PLA2G4A: variants seen among roughly 807,000 people sequenced by gnomAD.
PLA2G4A encodes phospholipase A2 group IVA.
A neutral mutation model predicts 81.9 loss-of-function variants in PLA2G4A; 40 were observed. The ratio of observed to expected loss-of-function variants is 0.49; its 90% CI spans 0.38 to 0.64. The LOEUF (loss-of-function observed/expected upper bound fraction) is 0.64. Ranked by LOEUF, PLA2G4A falls within the 30% of genes least tolerant of loss-of-function variation. PLA2G4A has a pLI of 0.00. For missense variants in PLA2G4A, 715 were observed against 905.1 expected (o/e 0.79, Z 2.69); for synonymous variants, 302 against 296.9 (o/e 1.02, Z -0.18).
intron 4 of PLA2G4A, 55 bp downstream of exon 4, chr1:186,893,214 G>T: frequency 6.8e-7 from 1 of 1,469,138 alleles, no homozygotes; most frequent in Non-Finnish European, 9.5e-7. Context: ...TGAGAGACAT[G>T]CTTGAGTTTG....
At chr1:186,935,752 G>A (rs902270475) in intron 8 of PLA2G4A, among the ~76,000 whole-genome samples, 5 of 151,832 alleles carry the variant, frequency 3.3e-5, no homozygotes, top group Admixed American at 1.3e-4. Context: ...AACACATTAC[G>A]CTTCTATGTT....
chr1:186,839,796 G>T (rs1374790324), intron 1 of PLA2G4A, among the ~76,000 whole-genome samples: 1 of 151,962 alleles, frequency 6.6e-6, no homozygotes, highest in Non-Finnish European at 1.5e-5. Flanking sequence ...TTATAGTGAT[G>T]TAATTTCCTC....
chr1:186,870,638 T>C (rs993111857), intron 3 of PLA2G4A, 122 bp downstream of exon 3: 1 of 1,238,530 alleles, frequency 8.1e-7, no homozygotes, highest in African/African-American at 1.5e-5. Flanking sequence ...TGTCTAGATC[T>C]TTGAATGATA....
At chr1:186,856,584 G>A (rs114333818) in intron 2 of PLA2G4A, among the ~76,000 whole-genome samples, 15,623 of 151,752 alleles carry the variant, frequency 0.1, 1,027 homozygotes, top group Middle Eastern at 0.21. Flanking sequence ...TAGAGACGGA[G>A]TTTTGCCATG....
chr1:186,978,484 T>G (rs1307156173), intron 16 of PLA2G4A, among the ~76,000 whole-genome samples: 1 of 152,056 alleles, frequency 6.6e-6, no homozygotes, highest in African/African-American at 2.4e-5. Flanking sequence ...AGAAAAATGG[T>G]GTTTTTCTAG....
intron 1 of PLA2G4A, among the ~76,000 whole-genome samples, chr1:186,829,609 C>T (rs1423137871): frequency 6.6e-6 from 1 of 151,800 alleles, no homozygotes; most frequent in Non-Finnish European, 1.5e-5. Context: ...CACCCTTCCC[C>T]TAAGTTACTT....
At chr1:186,971,331 C>T (rs1291836661) in intron 15 of PLA2G4A, among the ~76,000 whole-genome samples, 1 of 151,914 alleles carries the variant, frequency 6.6e-6, no homozygotes, top group Non-Finnish European at 1.5e-5. Context: ...AAAAGCATGT[C>T]TCCAATCACT....
chr1:186,956,442 A>C, intron 14 of PLA2G4A, 98 bp downstream of exon 14: 1 of 1,076,132 alleles, frequency 9.3e-7, no homozygotes, highest in Non-Finnish European at 1.4e-6. Flanking sequence ...TTACTCATTT[A>C]TTATCAGTTA....
intron 6 of PLA2G4A, among the ~76,000 whole-genome samples, chr1:186,910,601 C>G (rs2102153215): frequency 6.6e-6 from 1 of 152,148 alleles, no homozygotes; most frequent in East Asian, 1.9e-4. Flanking sequence ...ATACGTAATA[C>G]CTAATGTGAC....
chr1:186,982,017 T>A (rs1471740117), intron 17 of PLA2G4A, among the ~76,000 whole-genome samples: 4 of 152,190 alleles, frequency 2.6e-5, no homozygotes, highest in African/African-American at 7.2e-5. Flanking sequence ...AGGAAAAAAT[T>A]AAATGTACCT....
At chr1:186,829,941 A>T (rs1249604531) in intron 1 of PLA2G4A, among the ~76,000 whole-genome samples, 1 of 152,232 alleles carries the variant, frequency 6.6e-6, no homozygotes, top group African/African-American at 2.4e-5. Flanking sequence ...GTCAATTCTA[A>T]AGTTATATTT....
At position 186,916,341 on chromosome 1, in the gene PLA2G4A, A is replaced by G. The variant is rs113427666; in HGVS notation, c.558+4952A>G. Reference sequence around the variant, plus strand: ...AGGAAGGGTCATTCTTTCCTTTCTGAAGGTGGACTGGATCCTTTTCATTTT... The same window carrying G: ...AGGAAGGGTCATTCTTTCCTTTCTGGAGGTGGACTGGATCCTTTTCATTTT... On this transcript the variant is annotated intron_variant, in intron 7 of 17. Coordinates refer to ENST00000367466, the MANE Select transcript of PLA2G4A (RefSeq NM_024420.3). Among the ~76,000 whole-genome samples the G allele has an allele frequency of 1.6e-3, 247 of 152,284 alleles. 2 individuals are homozygous for G. The highest frequency in any genetic ancestry group is 5.8e-3 in the African/African-American group (240 of 41,546).
intron 2 of PLA2G4A, among the ~76,000 whole-genome samples, chr1:186,856,136 A>G (rs1652542794): frequency 6.6e-6 from 1 of 151,922 alleles, no homozygotes; most frequent in South Asian, 2.1e-4. Context: ...TTTGGTTGGG[A>G]CTGTAATGAT....
intron 13 of PLA2G4A, among the ~76,000 whole-genome samples, chr1:186,955,448 A>G (rs893086619): frequency 3.9e-5 from 6 of 152,162 alleles, no homozygotes; most frequent in African/African-American, 1.4e-4. Context: ...TGTAAGTTAT[A>G]TGTGTGCATG....
At chr1:186,940,663 T>A (rs1656119626) in intron 10 of PLA2G4A, among the ~76,000 whole-genome samples, 1 of 152,166 alleles carries the variant, frequency 6.6e-6, no homozygotes, top group Non-Finnish European at 1.5e-5. Flanking sequence ...TAAATAGTTG[T>A]TATATTGTTA....
At chr1:186,831,010 CT>C (rs1651563785) in intron 1 of PLA2G4A, among the ~76,000 whole-genome samples, 4 of 135,092 alleles carry the variant, frequency 3.0e-5, no homozygotes. Context: ...TTCTTTCTTT[CT>C]TTCTTTCTTT....
chr1:186,905,876 A>G (rs10798068), intron 5 of PLA2G4A, among the ~76,000 whole-genome samples: 56,675 of 152,166 alleles, frequency 0.37, 12,408 homozygotes, highest in Non-Finnish European at 0.49. Flanking sequence ...GCTTACTCAT[A>G]AAATTCAGCA....
At chr1:186,981,973 G>T (rs1232980915) in intron 17 of PLA2G4A, among the ~76,000 whole-genome samples, 1 of 152,086 alleles carries the variant, frequency 6.6e-6, no homozygotes, top group Non-Finnish European at 1.5e-5. Context: ...GTGACTATCT[G>T]TAATAAAAAA....
chr1:186,893,132 G>A lies in PLA2G4A; in HGVS notation c.237G>A (p.Leu79=), dbSNP rs772074690. Residue 79 remains leucine, a synonymous_variant, in exon 4 of 18, where the codon TTG becomes TTA. Coordinates refer to ENST00000367466, the MANE Select transcript of PLA2G4A (RefSeq NM_024420.3). ...PVWNETFEFI[L]DPNQENVLEI... is the part of the protein sequence containing the mutation. ...GGAATGAGACCTTTGAATTTATTTTGGATCCTAATCAGGAAAATGTTTTGG... is the reference window on the plus strand; with the variant it reads ...GGAATGAGACCTTTGAATTTATTTTAGATCCTAATCAGGAAAATGTTTTGG... The A allele has an allele frequency of 1.2e-6, 2 of 1,612,478 alleles. No homozygotes were observed. The highest frequency in any genetic ancestry group is 1.1e-5 in the South Asian group (1 of 91,050).
Sources: allele counts gnomAD v4.1 joint callset (sites outside exome capture counted in the v4.1 genomes callset), GRCh38; gene constraint gnomAD v4.1.1; transcripts MANE v1.5; gene names NCBI Gene and HGNC (gene_info 2026-07-23, HGNC 2026-07-21).